STAT3: variants seen among roughly 807,000 people sequenced by gnomAD.
The protein encoded by STAT3 is signal transducer and activator of transcription 3, also known as DNA-binding protein APRF.
Under a neutral mutation model 114.3 loss-of-function variants are expected in STAT3, and 7 were observed. The observed-to-expected ratio is 0.06, with a 90% CI of 0.03 to 0.11. STAT3 has a LOEUF of 0.11. STAT3 is among the 10% of genes least tolerant of loss of function. STAT3 has a pLI of 1.00. For synonymous variants in STAT3, 331 were observed against 354.5 expected (o/e 0.93, Z 0.74); for missense variants, 364 against 960.9 (o/e 0.38, Z 8.21).
chr17:42,329,303 T>A (rs986647069), intron 14 of STAT3, 107 bp downstream of exon 14: 3 of 1,534,268 alleles, frequency 2.0e-6, no homozygotes, highest in Middle Eastern at 2.3e-4. Flanking sequence ...TAACTACAGC[T>A]GAAAGAACAG....
At position 42,329,132 on chromosome 17, in the gene STAT3, T is replaced by C. The variant is rs560904183; in HGVS notation, c.1281+278A>G. ...CCCCAGGCAAGGTGGAAAGCTGCTT[T>C]ATACCACATGGGTGTGGAGAACAAC... On this transcript the variant is annotated intron_variant, in intron 14 of 23. Transcript: ENST00000264657. Among the ~76,000 whole-genome samples the C allele has an allele frequency of 8.5e-5, 13 of 152,292 alleles. No homozygotes were observed. The South Asian group carries it at 1.0e-3, about 12-fold the overall frequency.
In STAT3 at chr17:42,346,726, A is replaced by G. The variant is rs1304342031; in HGVS notation, c.129-13T>C. ...GGCCGCATATGCCCTAGGAAAAGGA[A>G]GAATGATAAAGAATGGCTCTGAAGC... On this transcript the variant is annotated splice_polypyrimidine_tract_variant and intron_variant, in intron 2 of 23. Coordinates refer to ENST00000264657, the MANE Select transcript of STAT3 (RefSeq NM_139276.3). 1 of 1,614,168 alleles carries G rather than the reference A, an allele frequency of 6.2e-7. No homozygotes were observed. Among genetic ancestry groups the G allele is most frequent in the Admixed American group, 1.7e-5 (1 of 60,006 alleles).
At chr17:42,348,345 A>T (rs1240804171) in intron 2 of STAT3, 44 bp downstream of exon 2, 3 of 1,613,320 alleles carry the variant, frequency 1.9e-6, no homozygotes, top group East Asian at 2.2e-5. Context: ...TCTTGACTCA[A>T]ACTGAAACCT....
intron 1 of STAT3, among the ~76,000 whole-genome samples, chr17:42,384,128 A>ATTTTT (rs201020826): frequency 1.6e-4 from 14 of 86,390 alleles, no homozygotes; most frequent in East Asian, 6.1e-4. Context: ...TTATTTATTT[A>ATTTTT]TTTATTTTTT....
At chr17:42,339,940 G>A (rs2082371460) in intron 4 of STAT3, among the ~76,000 whole-genome samples, 1 of 152,194 alleles carries the variant, frequency 6.6e-6, no homozygotes, top group African/African-American at 2.4e-5. Flanking sequence ...TGAAGTGGGA[G>A]GACTGCTTGA....
At chr17:42,331,950 AG>A (rs1326437579) in intron 10 of STAT3, among the ~76,000 whole-genome samples, 2 of 148,120 alleles carry the variant, frequency 1.4e-5, no homozygotes, top group African/African-American at 5.0e-5. Context: ...TTTTTTTTTG[AG>A]ACAGTTTCTC....
At chr17:42,371,507 A>G (rs919639966) in intron 1 of STAT3, among the ~76,000 whole-genome samples, 17 of 150,378 alleles carry the variant, frequency 1.1e-4, no homozygotes, top group Non-Finnish European at 2.2e-4. Context: ...CCTCGTCTCT[A>G]ATTAAAAAAA....
intron 1 of STAT3, among the ~76,000 whole-genome samples, chr17:42,383,927 A>C (rs2084937309): frequency 6.6e-6 from 1 of 151,708 alleles, no homozygotes; most frequent in Non-Finnish European, 1.5e-5. Context: ...CAAAGTACCA[A>C]ATCAAACTAG....
chr17:42,360,569 G>A (rs1344923230), intron 1 of STAT3, among the ~76,000 whole-genome samples: 1 of 151,980 alleles, frequency 6.6e-6, no homozygotes, highest in Non-Finnish European at 1.5e-5. Flanking sequence ...GCTTGAACCT[G>A]GGAGGCAGAG....
intron 4 of STAT3, among the ~76,000 whole-genome samples, chr17:42,340,476 A>C (rs2082398733): frequency 6.6e-6 from 1 of 151,654 alleles, no homozygotes; most frequent in Non-Finnish European, 1.5e-5. Flanking sequence ...AGACCGGCCC[A>C]GGGAACATAG....
At position 42,313,424 on chromosome 17, in the gene STAT3, T is replaced by C. The variant is rs762995262; in HGVS notation, c.*2321A>G. 1.3e-5 allele frequency: 2 copies of C among 150,402 alleles called. No individual in the cohort carries two copies. The highest frequency in any genetic ancestry group is 7.5e-5 in the Admixed American group (1 of 13,310). The allele number at this position is 150,402 out of a possible 1,614,324, so 9.3% of individuals were successfully genotyped here. A position where few individuals can be genotyped will look rare whatever the true frequency, so the allele number is the denominator to read the frequency against. On this transcript the variant is annotated 3_prime_UTR_variant, in exon 24 of 24. Transcript: ENST00000264657. The stretch of plus-strand genomic sequence containing the variant: ...AAAGACAAAAAACCTCACAATAATA[T>C]AAATTTTTACACTATGAAGTACACA...
At position 42,326,147 on chromosome 17, in the gene STAT3, A is replaced by G. The variant is rs1175778700; in HGVS notation, c.1334T>C (p.Val445Ala). ...GTCAATCTTGAGGCCTTGGTGATAC[A>G]CCTCGGTCTCAAAGGTGATCAGGTG... ...ELHLITFETEVYHQGLKIDLE... is the reference protein window; with the variant it reads ...ELHLITFETEAYHQGLKIDLE... Residue 445 changes from valine to alanine, a missense_variant, in exon 15 of 24, where the codon GTG becomes GCG. Val to Ala is a moderately conservative substitution (Grantham distance 64). This residue lies in a region of STAT3 where 294 missense variants were observed against 745.1 expected (regional missense o/e 0.39). Transcript: ENST00000264657. 1 of 1,613,970 alleles carries G rather than the reference A, an allele frequency of 6.2e-7. No individual in the cohort carries two copies. The highest frequency in any genetic ancestry group is 8.5e-7 in the Non-Finnish European group (1 of 1,179,906).
At chr17:42,384,128 A>T (rs867218681) in intron 1 of STAT3, among the ~76,000 whole-genome samples, 2,523 of 86,144 alleles carry the variant, frequency 0.029, 43 homozygotes, top group East Asian at 0.06. Context: ...TTATTTATTT[A>T]TTTATTTTTT....
intron 21 of STAT3, among the ~76,000 whole-genome samples, chr17:42,321,111 TCTC>T (rs2081459756): frequency 7.1e-6 from 1 of 141,064 alleles, no homozygotes; most frequent in East Asian, 2.1e-4. Context: ...TTAATTTCTC[TCTC>T]TTTTTTTTTT....
intron 21 of STAT3, among the ~76,000 whole-genome samples, chr17:42,319,568 A>AAAG (rs1567704780): frequency 1.4e-5 from 2 of 141,342 alleles, no homozygotes; most frequent in African/African-American, 5.2e-5. Context: ...AAAAAAAAAA[A>AAAG]GCTGAGAAAA....
At chr17:42,366,102 C>CT (rs2083774472) in intron 1 of STAT3, among the ~76,000 whole-genome samples, 2 of 152,136 alleles carry the variant, frequency 1.3e-5, no homozygotes, top group South Asian at 4.1e-4. Flanking sequence ...ACATCAGACA[C>CT]TTATAGCCAA....
At chr17:42,343,455 CTTTTT>C (rs34846688) in intron 4 of STAT3, among the ~76,000 whole-genome samples, 1 of 99,170 alleles carries the variant, frequency 1.0e-5, no homozygotes, top group Non-Finnish European at 1.9e-5. Context: ...TCAGATCTTT[CTTTTT>C]TTTTTTTTTT....
intron 21 of STAT3, among the ~76,000 whole-genome samples, chr17:42,318,937 C>A (rs2081355348): frequency 6.6e-6 from 1 of 152,148 alleles, no homozygotes; most frequent in South Asian, 2.1e-4. Context: ...GGATTTAATT[C>A]TCCAGCATTC....
intron 8 of STAT3, among the ~76,000 whole-genome samples, chr17:42,334,745 A>G (rs1392662374): frequency 6.6e-6 from 1 of 152,084 alleles, no homozygotes; most frequent in African/African-American, 2.4e-5. Context: ...ATGCCTGGCC[A>G]GAAAATAATT....
Sources: gnomAD v4.1 joint callset for allele counts (sites outside exome capture counted in the v4.1 genomes callset) on GRCh38, gnomAD v4.1.1 for gene constraint, gnomAD v4.1.1 regional missense constraint, MANE v1.5 for transcripts, NCBI Gene and HGNC (gene_info 2026-07-23, HGNC 2026-07-21) for gene names.